The following LAMA4 variants were observed in gnomAD, a reference collection of about 807,000 sequenced individuals.
The protein encoded by LAMA4 is laminin subunit alpha-4.
A neutral mutation model predicts 207.1 loss-of-function variants in LAMA4; 127 were observed. The ratio of observed to expected loss-of-function variants is 0.61; its 90% CI spans 0.53 to 0.71. LAMA4 has a LOEUF of 0.71. LAMA4 is among the 30% of genes least tolerant of loss of function. The pLI is 0.00. For missense variants in LAMA4, 2,093 were observed against 2,246.5 expected, an observed-to-expected ratio of 0.93 and a Z score of 1.38; for synonymous variants, 761 against 816.0, an observed-to-expected ratio of 0.93 and a Z score of 1.15.
Position 112,158,821 on chromosome 6 carries a change from T to C in LAMA4, c.1728A>G (p.Leu576=). 6.2e-7 allele frequency: 1 copy of C among 1,613,092 alleles called. No individual in the cohort carries two copies. The highest frequency in any genetic ancestry group is 8.5e-7 in the Non-Finnish European group (1 of 1,179,054). ...DGAKSELQVK[L]SNLSNLSHDL... ...CATGGCTGAGGTTACTTAGGTTAGATAGTTTTACTTGTAGTTCACTTTTGG... is the reference window on the plus strand; with the variant it reads ...CATGGCTGAGGTTACTTAGGTTAGACAGTTTTACTTGTAGTTCACTTTTGG... The change falls in exon 14 of 39, where the codon CTA becomes CTG. Residue 576 remains leucine (L), a synonymous_variant. Coordinates refer to ENST00000230538, the MANE Select transcript of LAMA4 (RefSeq NM_001105206.3).
chr6:112,233,294 G>T (rs1785681552), intron 2 of LAMA4, among the ~76,000 whole-genome samples: 1 of 152,172 alleles, frequency 6.6e-6, no homozygotes, highest in African/African-American at 2.4e-5. Context: ...TTTTGTCTCT[G>T]CTTCATGTAC....
Position 112,226,117 on chromosome 6 carries a change from T to C in LAMA4, c.196-9648A>G, listed in dbSNP as rs182987987. Among the ~76,000 whole-genome samples, 43 of 152,266 alleles carry C rather than the reference T, an allele frequency of 2.8e-4. No homozygotes were observed. In the East Asian group the frequency reaches 3.7e-3, roughly 13 times the overall value. ...AGTTCAGGATCTTGGTGTTTCTCTC[T>C]CGGATAATTATAATTCTCTCCACTC... On this transcript the variant is annotated intron_variant, in intron 2 of 38. Coordinates refer to ENST00000230538, the MANE Select transcript of LAMA4 (RefSeq NM_001105206.3).
At chr6:112,249,037 A>C (rs1230897588) in intron 2 of LAMA4, among the ~76,000 whole-genome samples, 1 of 152,224 alleles carries the variant, frequency 6.6e-6, no homozygotes, top group Non-Finnish European at 1.5e-5. Flanking sequence ...TTTAAAAAGT[A>C]GTCATTAGGC....
At chr6:112,114,243 A>G (rs1777881365) in intron 37 of LAMA4, 48 bp from the exon 38 acceptor site, 2 of 1,598,236 alleles carry the variant, frequency 1.3e-6, no homozygotes, top group Non-Finnish European at 1.7e-6. Context: ...GGAGTGATGA[A>G]TTTTTAACCT....
chr6:112,119,392 T>C (rs1020486374), intron 33 of LAMA4, 81 bp from the exon 34 acceptor site: 1 of 1,455,878 alleles, frequency 6.9e-7, no homozygotes, highest in Non-Finnish European at 9.6e-7. Flanking sequence ...TTCTTCCAAC[T>C]TTGCTATTGC....
rs2114584787 is a variant in LAMA4, at chr6:112,119,427, G to A, written c.4666-116C>T. The A allele has an allele frequency of 2.6e-6, 3 of 1,164,220 alleles. No homozygotes were observed. The East Asian group carries it at 7.1e-5, about 28-fold the overall frequency. 72.1% of individuals were successfully genotyped at this position (1,164,220 alleles called of 1,614,324 possible). ...CAATGCTGTGGGAAATCTTCAGAAA[G>A]TTTATTTTTAAAATGGCCCCATCTC... is the stretch of plus-strand genomic sequence containing the variant. On this transcript the variant is annotated intron_variant, in intron 33 of 38. Transcript: ENST00000230538.
intron 26 of LAMA4, among the ~76,000 whole-genome samples, chr6:112,133,927 T>C (rs540688334): frequency 6.6e-6 from 1 of 152,308 alleles, no homozygotes; most frequent in East Asian, 1.9e-4. Flanking sequence ...ACAAGTGATG[T>C]TAGGATTTGA....
intron 12 of LAMA4, among the ~76,000 whole-genome samples, chr6:112,171,006 G>C (rs1583787441): frequency 6.6e-6 from 1 of 152,210 alleles, no homozygotes. Context: ...GAGGAGGCTG[G>C]TAGGGTCAGA....
chr6:112,175,591 A>G, intron 10 of LAMA4, 111 bp from the exon 11 acceptor site: 5 of 1,048,792 alleles, frequency 4.8e-6, no homozygotes, highest in Non-Finnish European at 5.9e-6. Context: ...TGAAATGGAA[A>G]GAGAGACTCA....
At chr6:112,173,181 G>A (rs886942108) in intron 11 of LAMA4, among the ~76,000 whole-genome samples, 1 of 151,996 alleles carries the variant, frequency 6.6e-6, no homozygotes, top group Non-Finnish European at 1.5e-5. Context: ...TTATCTTGTC[G>A]GTAATAAGGC....
intron 12 of LAMA4, 48 bp from the exon 13 acceptor site, chr6:112,165,324 GA>G (rs782674793): frequency 4.7e-5 from 59 of 1,243,038 alleles, no homozygotes; most frequent in Middle Eastern, 1.9e-4. Flanking sequence ...TGTCTTTAGG[GA>G]AAGCGTTGGG....
intron 2 of LAMA4, among the ~76,000 whole-genome samples, chr6:112,246,520 C>CA (rs1786940233): frequency 7.8e-6 from 1 of 127,842 alleles, no homozygotes; most frequent in Admixed American, 7.7e-5. Flanking sequence ...ATCAAAGCTG[C>CA]TTTTTTTTTT....
chr6:112,213,974 G>T, intron 3 of LAMA4: 1 of 721,564 alleles, frequency 1.4e-6, no homozygotes, highest in South Asian at 1.5e-5. Flanking sequence ...GCTACAAGAA[G>T]TGTTCATGTT....
chr6:112,245,908 T>A (rs1786880253), intron 2 of LAMA4, among the ~76,000 whole-genome samples: 1 of 152,322 alleles, frequency 6.6e-6, no homozygotes, highest in South Asian at 2.1e-4. Flanking sequence ...GTTTATGTAT[T>A]TTTTTCTTTA....
chr6:112,191,616 T>C lies in LAMA4; in HGVS notation c.718+20A>G. 4 of 1,577,830 alleles carry C rather than the reference T, an allele frequency of 2.5e-6. No individual in the cohort carries two copies. The highest frequency in any genetic ancestry group is 3.5e-6 in the Non-Finnish European group (4 of 1,147,468). ...GGTCATGCTGGCCAGGCAGCTGGCTTAGTATTTATGATACTGCACCTGCAC... is the reference window on the plus strand; with the variant it reads ...GGTCATGCTGGCCAGGCAGCTGGCTCAGTATTTATGATACTGCACCTGCAC... On this transcript the variant is annotated intron_variant, in intron 6 of 38. Coordinates refer to ENST00000230538, the MANE Select transcript of LAMA4 (RefSeq NM_001105206.3).
intron 26 of LAMA4, 77 bp from the exon 27 acceptor site, chr6:112,133,564 A>G: frequency 2.0e-6 from 3 of 1,531,658 alleles, no homozygotes; most frequent in Non-Finnish European, 2.7e-6. Context: ...TGGAATTTGC[A>G]TTTATTTATA....
At chr6:112,224,813 CA>C (rs782785024) in intron 2 of LAMA4, among the ~76,000 whole-genome samples, 14,315 of 67,938 alleles carry the variant, frequency 0.21, 501 homozygotes, top group Middle Eastern at 0.3. Flanking sequence ...AAGACTGTCT[CA>C]AAAAAAAAAA....
At chr6:112,168,522 T>C (rs1781530546) in intron 12 of LAMA4, among the ~76,000 whole-genome samples, 1 of 151,832 alleles carries the variant, frequency 6.6e-6, no homozygotes, top group Admixed American at 6.6e-5. Flanking sequence ...ATTTTTGTAT[T>C]TTTAGTAGAG....
rs782216358 is a variant in LAMA4, at chr6:112,175,459, T to C, written c.1211A>G (p.Tyr404Cys). 4.3e-6 allele frequency: 7 copies of C among 1,614,044 alleles called. No homozygotes were observed. The East Asian group carries it at 8.9e-5, about 21-fold the overall frequency. ...KIQEINNKML[Y>C]YGEEHELSPK... is the part of the protein sequence containing the mutation. ...GCTAAGTTCATGCTCTTCCCCATAA[T>C]AGAGCATCTTGTTGTTGATCTCTGA... Residue 404 changes from tyrosine (Y) to cysteine (C), a missense_variant, in exon 11 of 39, where the codon TAT (tyrosine) becomes TGT (cysteine). Around this residue, in one of 3 missense-constraint regions of LAMA4, gnomAD observed 1,704 missense variants for 1,788.4 expected, o/e 0.95. Transcript: ENST00000230538.
Sources: allele counts gnomAD v4.1 joint callset (sites outside exome capture counted in the v4.1 genomes callset), GRCh38; gene constraint gnomAD v4.1.1; regional missense constraint gnomAD v4.1.1; transcripts MANE v1.5; gene names NCBI Gene and HGNC (gene_info 2026-07-23, HGNC 2026-07-21).